The following STK31 variants were observed in gnomAD, a reference collection of about 807,000 sequenced individuals.
STK31 encodes serine/threonine kinase 31.
STK31 carries 89 observed loss-of-function variants against 129.7 expected under a neutral mutation model. That is an observed-to-expected ratio of 0.69 (90% CI 0.58 to 0.82). STK31 has a LOEUF of 0.82. Ranked by LOEUF, STK31 falls within the 40% of genes least tolerant of loss-of-function variation. The pLI, the probability that STK31 is intolerant of heterozygous loss-of-function variation, is 0.00. For synonymous variants in STK31, 448 were observed against 395.3 expected, an observed-to-expected ratio of 1.13 and a Z score of -1.58; for missense variants, 1,187 against 1,176.4, an observed-to-expected ratio of 1.01 and a Z score of -0.13.
chr7:23,803,126 A>G (rs867423630), intron 22 of STK31, among the ~76,000 whole-genome samples: 2 of 152,044 alleles, frequency 1.3e-5, no homozygotes, highest in South Asian at 4.1e-4. Context: ...TTACAACAGT[A>G]TTTTTTTGAT....
intron 3 of STK31, among the ~76,000 whole-genome samples, chr7:23,715,244 A>G (rs1054312688): frequency 1.3e-5 from 2 of 151,994 alleles, no homozygotes; most frequent in African/African-American, 4.8e-5. Context: ...CTTATAAACC[A>G]CTTATAAGCA....
chr7:23,722,590 G>C (rs557958063), intron 4 of STK31: 1 of 152,462 alleles, frequency 6.6e-6, no homozygotes, highest in South Asian at 2.1e-4. Context: ...TCTATGCTGG[G>C]AGAACCACTA....
intron 22 of STK31, among the ~76,000 whole-genome samples, chr7:23,807,804 T>G (rs992828626): frequency 5.3e-5 from 8 of 152,104 alleles, no homozygotes; most frequent in Non-Finnish European, 1.2e-4. Flanking sequence ...AGTGCTTTCC[T>G]GTCATATTTA....
chr7:23,745,934 AG>A (rs1290208434), intron 8 of STK31, among the ~76,000 whole-genome samples: 1 of 152,178 alleles, frequency 6.6e-6, no homozygotes, highest in Non-Finnish European at 1.5e-5. Flanking sequence ...GCATTTCCTC[AG>A]GGCCATCAAG....
chr7:23,793,888 C>T (rs2128116165), intron 22 of STK31, among the ~76,000 whole-genome samples: 1 of 152,060 alleles, frequency 6.6e-6, no homozygotes, highest in East Asian at 1.9e-4. Context: ...GATATTTAGC[C>T]AAGAGAAATG....
At chr7:23,808,634 C>T (rs1289571881) in intron 22 of STK31, among the ~76,000 whole-genome samples, 1 of 152,050 alleles carries the variant, frequency 6.6e-6, no homozygotes, top group African/African-American at 2.4e-5. Context: ...ACAGCTAGTG[C>T]TGTTTCTCAC....
At chr7:23,790,567 A>C (rs1642408579) in intron 21 of STK31, among the ~76,000 whole-genome samples, 1 of 152,178 alleles carries the variant, frequency 6.6e-6, no homozygotes, top group Admixed American at 6.5e-5. Flanking sequence ...TCAAATGTTT[A>C]ATCACAGAAT....
chr7:23,811,524 A>G (rs1226218551), intron 22 of STK31: 2 of 279,426 alleles, frequency 7.2e-6, no homozygotes, highest in African/African-American at 4.5e-5. Context: ...CCAATGAGCA[A>G]GTCATCAATA....
intron 22 of STK31, among the ~76,000 whole-genome samples, chr7:23,797,565 A>G (rs888357279): frequency 6.6e-6 from 1 of 152,222 alleles, no homozygotes; most frequent in Non-Finnish European, 1.5e-5. Context: ...GAAACCAATG[A>G]GAACAAAGAC....
At chr7:23,811,915 T>A (rs903816368) in intron 22 of STK31, among the ~76,000 whole-genome samples, 2 of 152,230 alleles carry the variant, frequency 1.3e-5, no homozygotes, top group Non-Finnish European at 2.9e-5. Flanking sequence ...CACTTTTAAA[T>A]ATCATTGTCT....
chr7:23,758,378 A>C (rs1245289700), intron 10 of STK31, among the ~76,000 whole-genome samples: 1 of 151,988 alleles, frequency 6.6e-6, no homozygotes, highest in East Asian at 1.9e-4. Flanking sequence ...TAGTCTAGCT[A>C]GTGGTCTGTT....
At position 23,710,235 on chromosome 7, in the gene STK31, C is replaced by CGGTAAGCCGCTGCACGT; in HGVS notation, c.-49_-33dup. 1 of 1,590,344 alleles carries CGGTAAGCCGCTGCACGT rather than the reference C, an allele frequency of 6.3e-7. No individual in the cohort carries two copies. The highest frequency in any genetic ancestry group is 8.6e-7 in the Non-Finnish European group (1 of 1,166,858). ...GGGGCCCTTGCGGTCGAAGCTCACG[C>CGGTAAGCCGCTGCACGT]GGTAAGCCGCTGCACGTGTGCTACG... On this transcript the variant is annotated 5_prime_UTR_variant, in exon 1 of 24. Transcript: ENST00000355870.
chr7:23,774,953 A>T (rs1036105411), intron 15 of STK31, among the ~76,000 whole-genome samples: 1 of 152,208 alleles, frequency 6.6e-6, no homozygotes, highest in Non-Finnish European at 1.5e-5. Context: ...TAATTTTTGT[A>T]TAAGGTGTAA....
chr7:23,795,157 G>A (rs1562609113), intron 22 of STK31, among the ~76,000 whole-genome samples: 1 of 152,172 alleles, frequency 6.6e-6, no homozygotes, highest in Non-Finnish European at 1.5e-5. Context: ...AGAGGCCTAG[G>A]AGGAAAAAAT....
At chr7:23,793,213 T>A (rs1791747726) in intron 22 of STK31, among the ~76,000 whole-genome samples, 1 of 152,228 alleles carries the variant, frequency 6.6e-6, no homozygotes, top group South Asian at 2.1e-4. Context: ...AGAATAAATT[T>A]TGATTCATTT....
rs1442492137 is a variant in STK31, at chr7:23,832,275, C to A, written c.2969C>A (p.Thr990Asn). 6 of 1,613,648 alleles carry A rather than the reference C, an allele frequency of 3.7e-6. No individual in the cohort carries two copies. The highest frequency in any genetic ancestry group is 4.2e-6 in the Non-Finnish European group (5 of 1,179,810). Residue 990 changes from threonine (T) to asparagine (N), a missense_variant, in exon 24 of 24, where the codon ACC (threonine) becomes AAC (asparagine). Thr to Asn is a moderately conservative substitution (Grantham distance 65). This residue lies in a region of STK31 where 975 missense variants were observed against 934.9 expected (regional missense o/e 1.04). Transcript: ENST00000355870. Reference sequence around the variant, plus strand: ...AACCCAGAAAAAGATACTGAATACACCCTATATAAAAAGGAAGAAGAAATA... The same window carrying A: ...AACCCAGAAAAAGATACTGAATACAACCTATATAAAAAGGAAGAAGAAATA... ...VPNPEKDTEY[T>N]LYKKEEEIKT...
chr7:23,736,910 T>C lies in STK31; in HGVS notation c.849T>C (p.Ser283=). The C allele has an allele frequency of 1.2e-6, 2 of 1,600,996 alleles. No homozygotes were observed. The highest frequency in any genetic ancestry group is 1.7e-6 in the Non-Finnish European group (2 of 1,175,506). Residue 283 remains serine (S), a synonymous_variant, in exon 8 of 24, where the codon AGT becomes AGC. Coordinates refer to ENST00000355870, the MANE Select transcript of STK31 (RefSeq NM_031414.5). ...AGNLITFPKE[S]LAVGDFNLGS... Reference sequence around the variant, plus strand: ...AATGAATTTGTTTTTATAGGGAAAGTTTGGCTGTTGGTGACTTTAATTTAG... The same window carrying C: ...AATGAATTTGTTTTTATAGGGAAAGCTTGGCTGTTGGTGACTTTAATTTAG...
At chr7:23,819,755 C>A (rs73086967) in intron 23 of STK31, among the ~76,000 whole-genome samples, 23,312 of 151,628 alleles carry the variant, frequency 0.15, 1,919 homozygotes, top group East Asian at 0.22. Flanking sequence ...TCATAAGAGG[C>A]AAATAAAAGG....
chr7:23,763,535 C>G (rs1413994500), intron 11 of STK31, among the ~76,000 whole-genome samples: 1 of 152,108 alleles, frequency 6.6e-6, no homozygotes, highest in African/African-American at 2.4e-5. Flanking sequence ...AAATTTTTCT[C>G]TATAAGTCCT....
Sources: gnomAD v4.1 joint callset for allele counts (sites outside exome capture counted in the v4.1 genomes callset) on GRCh38, gnomAD v4.1.1 for gene constraint, gnomAD v4.1.1 regional missense constraint, MANE v1.5 for transcripts, NCBI Gene and HGNC (gene_info 2026-07-23, HGNC 2026-07-21) for gene names.